ATP10B: variants seen among roughly 807,000 people sequenced by gnomAD.
ATP10B encodes ATPase phospholipid transporting 10B (putative).
In ATP10B, 122 loss-of-function variants were observed where a neutral mutation model predicts 141.2. That is an observed-to-expected ratio of 0.86 (90% confidence interval 0.75 to 1.00). ATP10B has a LOEUF of 1.00. Ranked by LOEUF, ATP10B falls within the 50% of genes least tolerant of loss-of-function variation. The pLI is 0.00. For missense variants in ATP10B, 1,876 were observed against 1,825.3 expected (o/e 1.03, Z -0.51); for synonymous variants, 685 against 692.0 (o/e 0.99, Z 0.16).
Position 160,670,595 on chromosome 5 carries a change from A to G in ATP10B, c.543T>C (p.Asn181=). The stretch of plus-strand genomic sequence containing the variant: ...GGAGTATGTCTGCTGGGACAATCTC[A>G]TTGCATTTCATTTGGATGAAGTCTC... ...RVGDFIQMKC[N]EIVPADILLL... Residue 181 remains asparagine (N), a synonymous_variant, in exon 7 of 26, where the codon AAT becomes AAC. Coordinates refer to ENST00000327245, the MANE Select transcript of ATP10B (RefSeq NM_025153.3). The G allele has an allele frequency of 6.2e-7, 1 of 1,613,882 alleles. No individual in the cohort carries two copies. The highest frequency in any genetic ancestry group is 8.5e-7 in the Non-Finnish European group (1 of 1,179,844).
chr5:160,807,094 TAA>T (rs1772830299), intron 1 of ATP10B, among the ~76,000 whole-genome samples: 1 of 152,162 alleles, frequency 6.6e-6, no homozygotes, highest in African/African-American at 2.4e-5. Flanking sequence ...ATATACCTGT[TAA>T]AAAGGAATGA....
chr5:160,576,238 T>A (rs867688259), intron 24 of ATP10B, among the ~76,000 whole-genome samples: 1 of 152,174 alleles, frequency 6.6e-6, no homozygotes, highest in Non-Finnish European at 1.5e-5. Context: ...GAAGAGTTAC[T>A]GTGAGTGTCT....
At chr5:160,655,310 C>T (rs1022166074) in intron 7 of ATP10B, among the ~76,000 whole-genome samples, 3 of 151,694 alleles carry the variant, frequency 2.0e-5, no homozygotes, top group Non-Finnish European at 4.4e-5. Context: ...TGGCCACTCC[C>T]TCTATGAAGC....
At chr5:160,777,327 T>TC (rs1770407220) in intron 2 of ATP10B, among the ~76,000 whole-genome samples, 1 of 152,184 alleles carries the variant, frequency 6.6e-6, no homozygotes, top group Non-Finnish European at 1.5e-5. Flanking sequence ...GCTGATGCTG[T>TC]CCTTACTACA....
At chr5:160,716,461 G>A (rs1765667503) in intron 3 of ATP10B, among the ~76,000 whole-genome samples, 1 of 152,112 alleles carries the variant, frequency 6.6e-6, no homozygotes, top group African/African-American at 2.4e-5. Flanking sequence ...CATAGCTGTC[G>A]GTGGCAGAGT....
the ATP10B span, among the ~76,000 whole-genome samples, chr5:160,892,789 C>A: frequency 2.0e-4 from 31 of 152,296 alleles, no homozygotes; most frequent in South Asian, 6.4e-3. Flanking sequence ...CAGTGTGCAG[C>A]TCCCAGCAAG....
the ATP10B span, among the ~76,000 whole-genome samples, chr5:160,891,314 T>A: frequency 1.6e-4 from 24 of 152,304 alleles, no homozygotes; most frequent in Admixed American, 1.6e-3. Flanking sequence ...GTCCCTTGCC[T>A]CAGAATCCCA....
At chr5:160,691,948 TTTC>T (rs1245038082) in intron 3 of ATP10B, 1 of 152,238 alleles carries the variant, frequency 6.6e-6, no homozygotes, top group African/African-American at 2.4e-5. Flanking sequence ...CCTTCATGGA[TTTC>T]TTTTTTACTG....
chr5:160,595,901 T>C (rs568464938), intron 22 of ATP10B, among the ~76,000 whole-genome samples: 70 of 151,806 alleles, frequency 4.6e-4, no homozygotes, highest in Non-Finnish European at 8.1e-4. Flanking sequence ...CAATAATCAA[T>C]AGCTTACCAA....
intron 1 of ATP10B, among the ~76,000 whole-genome samples, chr5:160,812,700 C>A (rs1239813281): frequency 1.3e-5 from 2 of 149,848 alleles, no homozygotes; most frequent in African/African-American, 4.9e-5. Context: ...TGAAAATACA[C>A]CATCAGAGGG....
Position 160,811,712 on chromosome 5 carries a change from A to G in ATP10B, c.-575-25909T>C, listed in dbSNP as rs554688243. 9.2e-5 allele frequency among the ~76,000 whole-genome samples: 14 copies of G among 151,964 alleles called. No homozygotes were observed. The East Asian group carries it at 2.7e-3, about 29-fold the overall frequency. On this transcript the variant is annotated intron_variant, in intron 1 of 25. Coordinates refer to ENST00000327245, the MANE Select transcript of ATP10B (RefSeq NM_025153.3). ...ACCAGGTAGATTTCTAAGGTTTTTG[A>G]CTCCAGTCCATGGCTTCCAGACAGT...
the ATP10B span, among the ~76,000 whole-genome samples, chr5:160,919,302 T>C: frequency 6.7e-6 from 1 of 150,358 alleles, no homozygotes; most frequent in Non-Finnish European, 1.5e-5. Flanking sequence ...TACACATTTA[T>C]TCTTTCCATG....
chr5:160,651,391 C>T (rs1760723993), intron 7 of ATP10B, among the ~76,000 whole-genome samples: 1 of 152,040 alleles, frequency 6.6e-6, no homozygotes, highest in Non-Finnish European at 1.5e-5. Context: ...GGAGATCTTG[C>T]TTTCTGACTC....
chr5:160,928,604 T>A, the ATP10B span, among the ~76,000 whole-genome samples: 1 of 152,164 alleles, frequency 6.6e-6, no homozygotes, highest in Non-Finnish European at 1.5e-5. Context: ...ACCTGCCTCA[T>A]GGGCTTGTAA....
chr5:160,708,193 G>A (rs1765130725), intron 3 of ATP10B, among the ~76,000 whole-genome samples: 1 of 152,070 alleles, frequency 6.6e-6, no homozygotes, highest in Non-Finnish European at 1.5e-5. Context: ...GTGTCGTTGA[G>A]GTTTTGTTGT....
chr5:160,825,338 G>C (rs1011048813), intron 1 of ATP10B, among the ~76,000 whole-genome samples: 1 of 152,116 alleles, frequency 6.6e-6, no homozygotes. Flanking sequence ...TTAATCATGG[G>C]GGCAGTTTCC....
intron 24 of ATP10B, among the ~76,000 whole-genome samples, chr5:160,588,837 G>A (rs894158436): frequency 2.0e-5 from 3 of 152,142 alleles, no homozygotes; most frequent in Non-Finnish European, 4.4e-5. Context: ...TCAGAAAGGT[G>A]ACATTGCCTT....
intron 15 of ATP10B, among the ~76,000 whole-genome samples, chr5:160,619,161 C>A (rs1758183407): frequency 6.6e-6 from 1 of 152,160 alleles, no homozygotes; most frequent in South Asian, 2.1e-4. Flanking sequence ...TGAGATTAAA[C>A]CTGTTTGTCT....
chr5:160,871,325 T>C, the ATP10B span, among the ~76,000 whole-genome samples: 1 of 152,018 alleles, frequency 6.6e-6, no homozygotes, highest in Non-Finnish European at 1.5e-5. Context: ...TTTTACTCAA[T>C]TGTTGTTATA....
Sources: allele counts gnomAD v4.1 joint callset (sites outside exome capture counted in the v4.1 genomes callset), GRCh38; gene constraint gnomAD v4.1.1; transcripts MANE v1.5; gene names NCBI Gene and HGNC (gene_info 2026-07-23, HGNC 2026-07-21).